The following ITGA1 variants were observed in gnomAD, a reference collection of about 807,000 sequenced individuals.
ITGA1 encodes the protein integrin subunit alpha 1, also known as integrin alpha-1.
ITGA1 carries 85 observed loss-of-function variants against 145.9 expected under a neutral mutation model. That is an observed-to-expected ratio of 0.58 (90% CI 0.49 to 0.70). The LOEUF (loss-of-function observed/expected upper bound fraction) is 0.70. Ranked by LOEUF, ITGA1 falls within the 30% of genes least tolerant of loss-of-function variation. The pLI, the probability that ITGA1 is intolerant of heterozygous loss-of-function variation, is 0.00. For synonymous variants in ITGA1, 520 were observed against 495.3 expected (o/e 1.05, Z -0.66); for missense variants, 1,351 against 1,418.7 (o/e 0.95, Z 0.77).
In ITGA1 at chr5:52,880,215, C is replaced by A. The variant is rs116376528; in HGVS notation, c.625-1658C>A. Reference sequence around the variant, plus strand: ...ATCTTAGACTAGACCCCCCTTCCACCACTTCACTATAGGGATTGGGTGTTT... The same window carrying A: ...ATCTTAGACTAGACCCCCCTTCCACAACTTCACTATAGGGATTGGGTGTTT... On this transcript the variant is annotated intron_variant, in intron 6 of 28. Transcript: ENST00000282588. 8.4e-3 allele frequency among the ~76,000 whole-genome samples: 1,276 copies of A among 152,250 alleles called. 18 individuals carry two copies. The highest frequency in any genetic ancestry group is 0.029 in the African/African-American group (1,199 of 41,558).
At chr5:52,951,219 G>C (rs1579738405) in intron 28 of ITGA1, among the ~76,000 whole-genome samples, 2 of 152,264 alleles carry the variant, frequency 1.3e-5, no homozygotes, top group East Asian at 3.9e-4. Flanking sequence ...AAATGATGTA[G>C]AGGTGCCACA....
At chr5:52,804,549 TTTAC>T (rs1203587987) in intron 1 of ITGA1, among the ~76,000 whole-genome samples, 1 of 152,206 alleles carries the variant, frequency 6.6e-6, no homozygotes, top group Non-Finnish European at 1.5e-5. Flanking sequence ...TTTTCTTATC[TTTAC>T]TTAGTTTCTG....
intron 1 of ITGA1, among the ~76,000 whole-genome samples, chr5:52,823,099 C>T (rs1748905551): frequency 6.6e-6 from 1 of 152,122 alleles, no homozygotes; most frequent in African/African-American, 2.4e-5. Context: ...TCAATGGTGC[C>T]CCGACTTTCC....
chr5:52,819,128 G>A (rs757129915), intron 1 of ITGA1, among the ~76,000 whole-genome samples: 4 of 152,200 alleles, frequency 2.6e-5, no homozygotes, highest in Non-Finnish European at 5.9e-5. Context: ...TGTCTTTATA[G>A]CAGCATGATT....
chr5:52,935,958 T>TAACTGAATA (rs1246974467), intron 23 of ITGA1, among the ~76,000 whole-genome samples: 1 of 35,800 alleles, frequency 2.8e-5, no homozygotes, highest in Non-Finnish European at 6.0e-5. Flanking sequence ...ACAGGATTTC[T>TAACTGAATA]TTTTTTTTTT....
At chr5:52,899,717 A>G (rs552066268) in intron 11 of ITGA1, among the ~76,000 whole-genome samples, 3 of 152,210 alleles carry the variant, frequency 2.0e-5, no homozygotes, top group Non-Finnish European at 4.4e-5. Context: ...CAAAGTGTGC[A>G]TTGCATGTAT....
At chr5:52,794,474 C>T (rs1402394304) in intron 1 of ITGA1, among the ~76,000 whole-genome samples, 2 of 146,794 alleles carry the variant, frequency 1.4e-5, no homozygotes, top group East Asian at 2.0e-4. Context: ...GATCTTATGC[C>T]GTATAAGAAT....
chr5:52,910,628 T>C (rs1750491029), intron 14 of ITGA1, among the ~76,000 whole-genome samples: 1 of 148,496 alleles, frequency 6.7e-6, no homozygotes, highest in Admixed American at 6.8e-5. Context: ...ATAGTATGTA[T>C]ATAGTATATA....
chr5:52,833,410 G>A (rs1169876633), intron 1 of ITGA1, among the ~76,000 whole-genome samples: 1 of 152,036 alleles, frequency 6.6e-6, no homozygotes, highest in African/African-American at 2.4e-5. Context: ...AACTCTACAG[G>A]ACTTAAAAGA....
At chr5:52,879,314 T>A (rs1445535947) in intron 6 of ITGA1, among the ~76,000 whole-genome samples, 1 of 151,898 alleles carries the variant, frequency 6.6e-6, no homozygotes, top group Non-Finnish European at 1.5e-5. Context: ...CTTAATCAAA[T>A]AAAAACAAAG....
At chr5:52,867,421 T>C (rs1424038964) in intron 6 of ITGA1, among the ~76,000 whole-genome samples, 1 of 152,186 alleles carries the variant, frequency 6.6e-6, no homozygotes, top group Non-Finnish European at 1.5e-5. Flanking sequence ...TATCACAAAA[T>C]GTAATTTTCC....
chr5:52,847,040 GGTAA>G (rs1461236891), intron 1 of ITGA1, among the ~76,000 whole-genome samples: 1 of 152,080 alleles, frequency 6.6e-6, no homozygotes, highest in East Asian at 1.9e-4. Context: ...ATTAAAAAAA[GGTAA>G]GTAAGAGAGT....
At chr5:52,808,005 G>A (rs1247347009) in intron 1 of ITGA1, among the ~76,000 whole-genome samples, 1 of 152,076 alleles carries the variant, frequency 6.6e-6, no homozygotes, top group African/African-American at 2.4e-5. Flanking sequence ...ACCACAAGTG[G>A]CCAAGTTGAC....
At chr5:52,881,611 C>T (rs866725342) in intron 6 of ITGA1, among the ~76,000 whole-genome samples, 2 of 152,336 alleles carry the variant, frequency 1.3e-5, no homozygotes, top group African/African-American at 4.8e-5. Flanking sequence ...CCAAGGCCTA[C>T]CAGAGTTACT....
chr5:52,939,935 T>C lies in ITGA1; in HGVS notation c.3276T>C (p.Thr1092=), dbSNP rs1192144985. The C allele has an allele frequency of 6.4e-7, 1 of 1,571,304 alleles. No homozygotes were observed. The highest frequency in any genetic ancestry group is 2.2e-5 in the East Asian group (1 of 44,614). The change falls in exon 26 of 29, where the codon ACT becomes ACC. Residue 1092 remains threonine (T), a synonymous_variant. Coordinates refer to ENST00000282588, the MANE Select transcript of ITGA1 (RefSeq NM_181501.2). The part of the protein sequence containing the change: ...VNVSLILWKP[T]FIKSYFSSLN... Reference sequence around the variant, plus strand: ...TTTCGCTTATCTTGTGGAAACCAACTTTTATAAAAGTAAGTAAATACATAG... The same window carrying C: ...TTTCGCTTATCTTGTGGAAACCAACCTTTATAAAAGTAAGTAAATACATAG...
At chr5:52,824,448 C>G (rs895523486) in intron 1 of ITGA1, 8 of 152,176 alleles carry the variant, frequency 5.3e-5, no homozygotes, top group African/African-American at 1.7e-4. Flanking sequence ...TGTGCCACCA[C>G]GCCCTGCTAA....
chr5:52,939,752 A>G (rs10940280), intron 25 of ITGA1, 61 bp downstream of exon 25: 2 of 1,443,720 alleles, frequency 1.4e-6, no homozygotes, highest in South Asian at 1.2e-5. Flanking sequence ...ATTGATATCA[A>G]TCTAGAAATA....
chr5:52,876,180 T>C (rs1025416848), intron 6 of ITGA1, among the ~76,000 whole-genome samples: 1 of 152,210 alleles, frequency 6.6e-6, no homozygotes, highest in African/African-American at 2.4e-5. Context: ...CATACTTTAT[T>C]TGATTCTGCT....
At chr5:52,870,780 T>C (rs538676181) in intron 6 of ITGA1, among the ~76,000 whole-genome samples, 20 of 152,298 alleles carry the variant, frequency 1.3e-4, no homozygotes, top group African/African-American at 4.8e-4. Flanking sequence ...TTACTGGAAG[T>C]GAGTGGCTGC....
Sources: gnomAD v4.1 joint callset for allele counts (sites outside exome capture counted in the v4.1 genomes callset) on GRCh38, gnomAD v4.1.1 for gene constraint, MANE v1.5 for transcripts, NCBI Gene and HGNC (gene_info 2026-07-23, HGNC 2026-07-21) for gene names.